TBCE: variants seen among roughly 807,000 people sequenced by gnomAD.
TBCE encodes the protein tubulin folding cofactor E, also known as tubulin-specific chaperone E.
In TBCE, 53 loss-of-function variants were observed where a neutral mutation model predicts 77.0. The observed-to-expected ratio is 0.69, with a 90% CI of 0.55 to 0.87. The LOEUF (loss-of-function observed/expected upper bound fraction) is 0.87, where lower values mean the gene tolerates loss of function less well. Among genes scored for constraint, TBCE ranks in the 40% least tolerant of loss-of-function variants. TBCE has a pLI of 0.00. For synonymous variants in TBCE, 235 were observed against 241.3 expected, an observed-to-expected ratio of 0.97 and a Z score of 0.24; for missense variants, 624 against 622.4, an observed-to-expected ratio of 1.00 and a Z score of -0.03.
At chr1:235,425,499 G>GT (rs933485088) in intron 5 of TBCE, among the ~76,000 whole-genome samples, 3 of 152,040 alleles carry the variant, frequency 2.0e-5, no homozygotes, top group Non-Finnish European at 4.4e-5. Context: ...TTGTTGTTTT[G>GT]TTTTTTGACA....
chr1:235,394,559 T>C (rs1248744442), intron 2 of TBCE, among the ~76,000 whole-genome samples: 1 of 150,912 alleles, frequency 6.6e-6, no homozygotes, highest in Non-Finnish European at 1.5e-5. Flanking sequence ...GCCTCCCAAG[T>C]TGCTGGGACT....
intron 2 of TBCE, among the ~76,000 whole-genome samples, chr1:235,386,662 G>A (rs1678026457): frequency 2.0e-5 from 3 of 152,076 alleles, no homozygotes; most frequent in Admixed American, 2.0e-4. Flanking sequence ...GCTCCTTTAA[G>A]CACTTCTCTG....
chr1:235,441,732 T>C, intron 13 of TBCE, 82 bp from the exon 14 acceptor site: 1 of 1,316,136 alleles, frequency 7.6e-7, no homozygotes, highest in Non-Finnish European at 1.1e-6. Flanking sequence ...GACGCTTACC[T>C]ATCCTTTGTT....
At chr1:235,447,426 G>GAAGT (rs768533077) in intron 15 of TBCE, among the ~76,000 whole-genome samples, 39 of 152,320 alleles carry the variant, frequency 2.6e-4, no homozygotes, top group Middle Eastern at 3.4e-3. Flanking sequence ...TCTTTGGAAA[G>GAAGT]AAGTTCATAG....
chr1:235,433,285 A>G (rs1572425039), intron 7 of TBCE: 1 of 779,402 alleles, frequency 1.3e-6, no homozygotes, highest in Non-Finnish European at 1.7e-6. Context: ...CAGTGGTGTG[A>G]TATTGGCTCA....
intron 2 of TBCE, among the ~76,000 whole-genome samples, chr1:235,395,913 C>T (rs1033040270): frequency 1.3e-5 from 2 of 151,996 alleles, no homozygotes; most frequent in Non-Finnish European, 2.9e-5. Context: ...TAAGTGAGAA[C>T]ATGTGAGGTT....
chr1:235,438,974 A>T, intron 13 of TBCE, 52 bp downstream of exon 13: 1 of 1,613,532 alleles, frequency 6.2e-7, no homozygotes, highest in Non-Finnish European at 8.5e-7. Flanking sequence ...CAGCTGGAAC[A>T]AAGTTTTTTC....
chr1:235,436,812 A>G (rs1237397649), intron 11 of TBCE, among the ~76,000 whole-genome samples: 3 of 152,182 alleles, frequency 2.0e-5, no homozygotes, highest in African/African-American at 7.2e-5. Flanking sequence ...TTCACACTTA[A>G]ATGGCACATT....
intron 9 of TBCE, chr1:235,436,184 C>G (rs1187605740): frequency 9.7e-6 from 6 of 620,756 alleles, no homozygotes; most frequent in African/African-American, 1.8e-5. Context: ...ACTCAAGAAC[C>G]ATTAGGTGAC....
At chr1:235,443,025 A>G in intron 15 of TBCE, 114 bp downstream of exon 15, 2 of 1,009,144 alleles carry the variant, frequency 2.0e-6, no homozygotes, top group Non-Finnish European at 3.1e-6. Flanking sequence ...CAGAACTTAC[A>G]GGTTTTCATT....
intron 15 of TBCE, among the ~76,000 whole-genome samples, chr1:235,448,007 A>AGT (rs1558399975): frequency 5.3e-5 from 8 of 151,986 alleles, no homozygotes; most frequent in Non-Finnish European, 1.2e-4. Flanking sequence ...TCAGGAGTTC[A>AGT]AGACCAGCCT....
chr1:235,406,144 G>T (rs1347949989), intron 3 of TBCE, among the ~76,000 whole-genome samples: 1 of 152,080 alleles, frequency 6.6e-6, no homozygotes, highest in Non-Finnish European at 1.5e-5. Context: ...AGTAGGTAAT[G>T]TTATCTGTGA....
Position 235,438,808 on chromosome 1 carries a change from C to A in TBCE, c.1156C>A (p.Arg386=), listed in dbSNP as rs755798626. ...EERRRAELDY[R]KAFGNEWKQA... ...GAGGCGGAGAGCTGAGCTTGACTAC[C>A]GAAAAGCTTTTGGAAATGAGTGGAA... Residue 386 remains arginine, a synonymous_variant, in exon 13 of 17, where the codon CGA becomes AGA. Coordinates refer to ENST00000642610, the MANE Select transcript of TBCE (RefSeq NM_003193.5). The A allele has an allele frequency of 6.2e-7, 1 of 1,613,920 alleles. No individual in the cohort carries two copies. Among genetic ancestry groups the A allele is most frequent in the South Asian group, 1.1e-5 (1 of 91,076 alleles).
At chr1:235,448,015 C>T (rs535623472) in intron 15 of TBCE, among the ~76,000 whole-genome samples, 13 of 152,006 alleles carry the variant, frequency 8.6e-5, no homozygotes, top group Non-Finnish European at 1.9e-4. Context: ...TCAAGACCAG[C>T]CTGGCCAACA....
At chr1:235,410,437 A>G (rs924767913) in intron 3 of TBCE, among the ~76,000 whole-genome samples, 6 of 152,212 alleles carry the variant, frequency 3.9e-5, no homozygotes, top group Admixed American at 1.3e-4. Flanking sequence ...GTAAACTGTC[A>G]TGGTGCTGGT....
intron 13 of TBCE, among the ~76,000 whole-genome samples, chr1:235,439,220 G>A (rs991904749): frequency 1.3e-5 from 2 of 151,890 alleles, no homozygotes; most frequent in African/African-American, 4.8e-5. Flanking sequence ...GGCCGGGCGC[G>A]GTGGCTCAGG....
intron 13 of TBCE, among the ~76,000 whole-genome samples, chr1:235,439,531 G>A (rs1050435758): frequency 8.0e-5 from 12 of 150,366 alleles, no homozygotes; most frequent in South Asian, 2.1e-4. Flanking sequence ...TTGCTCTGTC[G>A]CCCAGGCCCA....
Position 235,448,985 on chromosome 1 carries a change from T to G in TBCE, c.*223T>G, listed in dbSNP as rs1189330527. 1 of 461,166 alleles carries G rather than the reference T, an allele frequency of 2.2e-6. No homozygotes were observed. The highest frequency in any genetic ancestry group is 2.0e-5 in the African/African-American group (1 of 50,726). The allele number at this position is 461,166 out of a possible 1,614,324, so 28.6% of individuals were successfully genotyped here. ...ACCTACTAATGATTTTCTGATCTTATTTCATATTTATTTTTACAGCTCATC... is the reference window on the plus strand; with the variant it reads ...ACCTACTAATGATTTTCTGATCTTAGTTCATATTTATTTTTACAGCTCATC... On this transcript the variant is annotated 3_prime_UTR_variant, in exon 17 of 17. Coordinates refer to ENST00000642610, the MANE Select transcript of TBCE (RefSeq NM_003193.5).
At chr1:235,447,321 T>C (rs1682424114) in intron 15 of TBCE, among the ~76,000 whole-genome samples, 1 of 152,242 alleles carries the variant, frequency 6.6e-6, no homozygotes, top group South Asian at 2.1e-4. Flanking sequence ...ACTGTGATAT[T>C]TGTAGGAACA....
Sources: gnomAD v4.1 joint callset for allele counts (sites outside exome capture counted in the v4.1 genomes callset) on GRCh38, gnomAD v4.1.1 for gene constraint, MANE v1.5 for transcripts, NCBI Gene and HGNC (gene_info 2026-07-23, HGNC 2026-07-21) for gene names.